The following NKAIN2 variants were observed in gnomAD, a reference collection of about 807,000 sequenced individuals.
NKAIN2 encodes the protein sodium/potassium-transporting ATPase subunit beta-1-interacting protein 2.
In NKAIN2, 14 loss-of-function variants were observed where a neutral mutation model predicts 32.6. That is an observed-to-expected ratio of 0.43 (90% CI 0.28 to 0.67). The LOEUF is 0.67. Ranked by LOEUF, NKAIN2 falls within the 30% of genes least tolerant of loss-of-function variation. The probability of loss-of-function intolerance (pLI) is 0.17; values close to 1 mark genes in which losing one functional copy is unlikely to be tolerated. For synonymous variants in NKAIN2, 80 were observed against 87.2 expected (o/e 0.92, Z 0.46); for missense variants, 198 against 258.3 (o/e 0.77, Z 1.60).
intron 2 of NKAIN2, among the ~76,000 whole-genome samples, chr6:124,304,109 A>G (rs1391403384): frequency 6.6e-6 from 1 of 152,180 alleles, no homozygotes; most frequent in Non-Finnish European, 1.5e-5. Flanking sequence ...ATGTATAGGA[A>G]TCTGGAACTC....
chr6:124,025,772 T>TA (rs147867806), intron 1 of NKAIN2, among the ~76,000 whole-genome samples: 2 of 152,220 alleles, frequency 1.3e-5, no homozygotes, highest in East Asian at 3.9e-4. Context: ...ACACTGTAAA[T>TA]AAAAAACATT....
intron 1 of NKAIN2, among the ~76,000 whole-genome samples, chr6:124,163,013 A>G (rs1322143788): frequency 1.3e-5 from 2 of 152,022 alleles, no homozygotes; most frequent in African/African-American, 4.8e-5. Flanking sequence ...TTCTACCCTT[A>G]TTACACAATT....
At chr6:124,234,075 C>T (rs1041284616) in intron 1 of NKAIN2, among the ~76,000 whole-genome samples, 3 of 152,110 alleles carry the variant, frequency 2.0e-5, no homozygotes, top group African/African-American at 7.2e-5. Context: ...TATCAAGGCA[C>T]CCCAATTCTC....
intron 3 of NKAIN2, among the ~76,000 whole-genome samples, chr6:124,612,233 A>T (rs530283508): frequency 2.0e-5 from 3 of 152,080 alleles, no homozygotes; most frequent in Middle Eastern, 3.4e-3. Context: ...TTTTTATGTG[A>T]AAACTGCTAG....
chr6:124,164,978 T>G (rs935192013), intron 1 of NKAIN2, among the ~76,000 whole-genome samples: 5 of 152,118 alleles, frequency 3.3e-5, no homozygotes, highest in Non-Finnish European at 7.4e-5. Context: ...ATGACTTTCA[T>G]GGTCAGAGGT....
Position 124,156,931 on chromosome 6 carries a change from C to G in NKAIN2, c.55-126074C>G, listed in dbSNP as rs186135476. 2.0e-3 allele frequency among the ~76,000 whole-genome samples: 298 copies of G among 151,440 alleles called. 1 individual carries two copies. The highest frequency in any genetic ancestry group is 7.0e-3 in the African/African-American group (287 of 41,282). On this transcript the variant is annotated intron_variant, in intron 1 of 6. Transcript: ENST00000368417. ...CAGCCTGGCCAACATGGTAAAACCC[C>G]GTCTTTACTAAAAATACAAAAATTA...
At chr6:124,304,213 C>T (rs945064531) in intron 2 of NKAIN2, among the ~76,000 whole-genome samples, 6 of 152,266 alleles carry the variant, frequency 3.9e-5, no homozygotes, top group African/African-American at 1.4e-4. Context: ...TAATAATTAA[C>T]TCATTTCCAC....
Position 124,163,399 on chromosome 6 carries a change from T to C in NKAIN2, c.55-119606T>C, listed in dbSNP as rs181193170. ...GCAAAAGGCCAACAAGAATGTCTCA[T>C]TGATATTTTTTTGTTTCCTATACAA... On this transcript the variant is annotated intron_variant, in intron 1 of 6. Coordinates refer to ENST00000368417, the MANE Select transcript of NKAIN2 (RefSeq NM_001040214.3). Among the ~76,000 whole-genome samples the C allele has an allele frequency of 6.4e-3, 960 of 150,652 alleles. 8 individuals carry two copies. The highest frequency in any genetic ancestry group is 0.022 in the African/African-American group (902 of 40,626).
At chr6:124,779,082 A>G (rs1296871920) in intron 4 of NKAIN2, among the ~76,000 whole-genome samples, 1 of 151,978 alleles carries the variant, frequency 6.6e-6, no homozygotes, top group Non-Finnish European at 1.5e-5. Flanking sequence ...CTAAAAAATT[A>G]TACAAAAATT....
chr6:123,914,656 G>T (rs1775401300), intron 1 of NKAIN2, among the ~76,000 whole-genome samples: 1 of 152,128 alleles, frequency 6.6e-6, no homozygotes, highest in Non-Finnish European at 1.5e-5. Context: ...CCACTAGCAA[G>T]CTTTAGGGCT....
intron 1 of NKAIN2, among the ~76,000 whole-genome samples, chr6:124,212,903 G>T (rs1310896169): frequency 6.6e-6 from 1 of 152,046 alleles, no homozygotes; most frequent in Non-Finnish European, 1.5e-5. Context: ...AAGGAATGAA[G>T]AGCACAAAAA....
intron 2 of NKAIN2, among the ~76,000 whole-genome samples, chr6:124,315,931 T>C (rs1459639569): frequency 6.6e-6 from 1 of 152,088 alleles, no homozygotes; most frequent in African/African-American, 2.4e-5. Flanking sequence ...AAAATGTTCT[T>C]ATGACAAGAT....
At chr6:124,187,685 AC>A (rs1208952492) in intron 1 of NKAIN2, among the ~76,000 whole-genome samples, 1 of 152,030 alleles carries the variant, frequency 6.6e-6, no homozygotes, top group Non-Finnish European at 1.5e-5. Context: ...CCATTGCCTG[AC>A]CCTCATCCTT....
intron 3 of NKAIN2, among the ~76,000 whole-genome samples, chr6:124,373,800 A>G (rs2114338009): frequency 6.6e-6 from 1 of 152,272 alleles, no homozygotes; most frequent in South Asian, 2.1e-4. Context: ...CAACTTTGCT[A>G]AAAGTGGTTT....
intron 2 of NKAIN2, among the ~76,000 whole-genome samples, chr6:124,320,308 T>C (rs1318105721): frequency 6.6e-6 from 1 of 152,188 alleles, no homozygotes; most frequent in African/African-American, 2.4e-5. Flanking sequence ...CTATTTTCAT[T>C]GCAGTCTTGT....
chr6:124,362,873 C>T lies in NKAIN2; in HGVS notation c.273+7526C>T, dbSNP rs142175667. On this transcript the variant is annotated intron_variant, in intron 3 of 6. Coordinates refer to ENST00000368417, the MANE Select transcript of NKAIN2 (RefSeq NM_001040214.3). ...TTTTTGAGATAGAGTCCCACTCTGT[C>T]GCCCAGGCTGTAGTACATTGGTGCA... is the stretch of plus-strand genomic sequence containing the variant. Among the ~76,000 whole-genome samples the T allele has an allele frequency of 1.2e-3, 179 of 152,202 alleles. 3 individuals are homozygous for T. The East Asian group carries it at 0.027, about 23-fold the overall frequency.
At position 124,558,455 on chromosome 6, in the gene NKAIN2, T is replaced by C. The variant is rs117708929; in HGVS notation, c.274-99731T>C. On this transcript the variant is annotated intron_variant, in intron 3 of 6. Coordinates refer to ENST00000368417, the MANE Select transcript of NKAIN2 (RefSeq NM_001040214.3). ...CCTTTTGAAAAAGCTACCTTCAGAC[T>C]TTCTAAGTCTCTCTTTCTATAAAAC... Among the ~76,000 whole-genome samples, 1,244 of 152,304 alleles carry C rather than the reference T, an allele frequency of 8.2e-3. 7 individuals are homozygous for C. The highest frequency in any genetic ancestry group is 0.014 in the Middle Eastern group (4 of 294).
At chr6:123,919,630 A>G (rs1476581458) in intron 1 of NKAIN2, among the ~76,000 whole-genome samples, 1 of 152,124 alleles carries the variant, frequency 6.6e-6, no homozygotes, top group African/African-American at 2.4e-5. Context: ...ATTGAAACCT[A>G]CATGGTGTGT....
intron 1 of NKAIN2, among the ~76,000 whole-genome samples, chr6:123,902,508 A>G (rs1252827874): frequency 6.6e-6 from 1 of 152,172 alleles, no homozygotes; most frequent in Non-Finnish European, 1.5e-5. Context: ...AATGTTATCC[A>G]GAAAGTATGA....
Sources: gnomAD v4.1 joint callset for allele counts (sites outside exome capture counted in the v4.1 genomes callset) on GRCh38, gnomAD v4.1.1 for gene constraint, MANE v1.5 for transcripts, NCBI Gene and HGNC (gene_info 2026-07-23, HGNC 2026-07-21) for gene names.